The following PPP3CA variants were observed in gnomAD, a reference collection of about 807,000 sequenced individuals.
PPP3CA encodes the protein CAM-PRP catalytic subunit.
Under a neutral mutation model 66.5 loss-of-function variants are expected in PPP3CA, and 14 were observed. That is an observed-to-expected ratio of 0.21 (90% CI 0.14 to 0.33). The LOEUF is 0.33. Ranked by LOEUF, PPP3CA falls within the 10% of genes least tolerant of loss-of-function variation. PPP3CA has a pLI of 1.00. For synonymous variants in PPP3CA, 232 were observed against 226.2 expected, an observed-to-expected ratio of 1.03 and a Z score of -0.23; for missense variants, 317 against 639.5, an observed-to-expected ratio of 0.50 and a Z score of 5.44.
intron 1 of PPP3CA, among the ~76,000 whole-genome samples, chr4:101,319,980 T>C (rs948122088): frequency 2.0e-5 from 3 of 152,132 alleles, no homozygotes; most frequent in Non-Finnish European, 2.9e-5. Context: ...CTATATAAGA[T>C]ATTGTGTATA....
intron 2 of PPP3CA, among the ~76,000 whole-genome samples, chr4:101,147,898 T>C (rs1326017632): frequency 6.6e-6 from 1 of 152,200 alleles, no homozygotes; most frequent in Non-Finnish European, 1.5e-5. Flanking sequence ...CTAGTTATTA[T>C]GAGGGAAATT....
intron 1 of PPP3CA, among the ~76,000 whole-genome samples, chr4:101,249,355 T>A (rs991574121): frequency 1.3e-5 from 2 of 152,106 alleles, no homozygotes; most frequent in African/African-American, 4.8e-5. Context: ...AAATATAAAA[T>A]ATTTTTAAAA....
chr4:101,100,220 A>G (rs1200404005), intron 3 of PPP3CA, among the ~76,000 whole-genome samples: 1 of 152,098 alleles, frequency 6.6e-6, no homozygotes, highest in African/African-American at 2.4e-5. Flanking sequence ...ATGTTGGGAG[A>G]GAAGAAGGCA....
intron 1 of PPP3CA, among the ~76,000 whole-genome samples, chr4:101,335,115 T>C (rs1263631468): frequency 6.6e-6 from 1 of 152,080 alleles, no homozygotes; most frequent in East Asian, 1.9e-4. Flanking sequence ...CAAACTTCTT[T>C]AGGTTATCAG....
chr4:101,062,555 G>GA (rs1347987180), intron 9 of PPP3CA, among the ~76,000 whole-genome samples: 9 of 152,060 alleles, frequency 5.9e-5, no homozygotes, highest in African/African-American at 1.9e-4. Flanking sequence ...CCTCCTGAAT[G>GA]AAAAACAATT....
At chr4:101,270,427 C>T (rs1727301481) in intron 1 of PPP3CA, among the ~76,000 whole-genome samples, 1 of 152,042 alleles carries the variant, frequency 6.6e-6, no homozygotes, top group Admixed American at 6.6e-5. Flanking sequence ...AGGACATATG[C>T]ATGATGCCAT....
intron 1 of PPP3CA, among the ~76,000 whole-genome samples, chr4:101,331,789 T>C (rs1328187459): frequency 6.6e-6 from 1 of 152,162 alleles, no homozygotes; most frequent in Non-Finnish European, 1.5e-5. Context: ...TCAAATAAAT[T>C]GGAGACTTAA....
chr4:101,125,094 C>T (rs879765800), intron 2 of PPP3CA, among the ~76,000 whole-genome samples: 1 of 151,362 alleles, frequency 6.6e-6, no homozygotes, highest in African/African-American at 2.5e-5. Flanking sequence ...TCTAAATGCT[C>T]GTTAGCACAT....
intron 5 of PPP3CA, among the ~76,000 whole-genome samples, chr4:101,095,219 T>C (rs1553924579): frequency 6.6e-6 from 1 of 152,146 alleles, no homozygotes; most frequent in Non-Finnish European, 1.5e-5. Context: ...AGAAAAATAA[T>C]ACTTGTCCCT....
At chr4:101,293,244 T>C (rs1173071975) in intron 1 of PPP3CA, among the ~76,000 whole-genome samples, 1 of 152,192 alleles carries the variant, frequency 6.6e-6, no homozygotes, top group Non-Finnish European at 1.5e-5. Context: ...TCTCCTCCTT[T>C]ACCTGCTTGC....
intron 1 of PPP3CA, among the ~76,000 whole-genome samples, chr4:101,216,190 A>G (rs1039838073): frequency 6.6e-6 from 1 of 152,180 alleles, no homozygotes; most frequent in Non-Finnish European, 1.5e-5. Context: ...ACGCAGCATT[A>G]TAAATGATTT....
intron 1 of PPP3CA, among the ~76,000 whole-genome samples, chr4:101,285,451 A>T (rs1727810142): frequency 6.6e-6 from 1 of 152,192 alleles, no homozygotes; most frequent in South Asian, 2.1e-4. Context: ...ATCACTTGAT[A>T]CATGTTTTTG....
chr4:101,225,907 T>C (rs1389729414), intron 1 of PPP3CA, among the ~76,000 whole-genome samples: 2 of 151,778 alleles, frequency 1.3e-5, no homozygotes, highest in African/African-American at 4.8e-5. Context: ...AAGATGAACA[T>C]TTGTGTTTCA....
chr4:101,106,453 G>GAAAGAAAGAAAGAAGAGAAA lies in PPP3CA; in HGVS notation c.384+2500_384+2501insTTTCTCTTCTTTCTTTCTTT, dbSNP rs775018059. ...AGAAAGAAAGAAAGAAAGAAAGAAA[G>GAAAGAAAGAAAGAAGAGAAA]AGAAAAGAAAAGAAAAGAAAAGAAA... is the stretch of plus-strand genomic sequence containing the variant. On this transcript the variant is annotated intron_variant, in intron 3 of 13. Coordinates refer to ENST00000394854, the MANE Select transcript of PPP3CA (RefSeq NM_000944.5). Among the ~76,000 whole-genome samples the GAAAGAAAGAAAGAAGAGAAA allele has an allele frequency of 2.7e-3, 96 of 35,512 alleles. 14 individuals are homozygous for GAAAGAAAGAAAGAAGAGAAA. Among genetic ancestry groups the GAAAGAAAGAAAGAAGAGAAA allele is most frequent in the Non-Finnish European group, 3.6e-3 (69 of 19,010 alleles). 23.3% of individuals were successfully genotyped at this position (35,512 alleles called of 152,430 possible).
intron 13 of PPP3CA, among the ~76,000 whole-genome samples, chr4:101,027,830 A>C (rs1373455579): frequency 6.6e-6 from 1 of 152,172 alleles, no homozygotes; most frequent in Non-Finnish European, 1.5e-5. Context: ...CTCCATTTCT[A>C]ATCATTTTTG....
At chr4:101,249,476 G>A (rs777752825) in intron 1 of PPP3CA, among the ~76,000 whole-genome samples, 23 of 150,210 alleles carry the variant, frequency 1.5e-4, no homozygotes, top group Non-Finnish European at 3.1e-4. Context: ...AAGGAAAGAC[G>A]TGTGTGTGTG....
intron 1 of PPP3CA, among the ~76,000 whole-genome samples, chr4:101,205,201 T>C (rs1261839429): frequency 6.6e-6 from 1 of 152,140 alleles, no homozygotes; most frequent in Non-Finnish European, 1.5e-5. Context: ...ATAGATACTT[T>C]AAGACTAGAC....
intron 1 of PPP3CA, among the ~76,000 whole-genome samples, chr4:101,257,344 T>C (rs2110251609): frequency 6.6e-6 from 1 of 151,706 alleles, no homozygotes; most frequent in South Asian, 2.1e-4. Flanking sequence ...TTTTTTTTTT[T>C]TCAGAATTCC....
intron 1 of PPP3CA, among the ~76,000 whole-genome samples, chr4:101,272,671 T>A (rs1233242511): frequency 6.6e-6 from 1 of 152,212 alleles, no homozygotes; most frequent in Non-Finnish European, 1.5e-5. Flanking sequence ...ACAATAATGT[T>A]ATCTACCTCA....
Sources: gnomAD v4.1 joint callset for allele counts (sites outside exome capture counted in the v4.1 genomes callset) on GRCh38, gnomAD v4.1.1 for gene constraint, MANE v1.5 for transcripts, NCBI Gene and HGNC (gene_info 2026-07-23, HGNC 2026-07-21) for gene names.